Variants in C6orf132 observed in about 807,000 individuals in gnomAD.
C6orf132 encodes the protein chromosome 6 open reading frame 132.
C6orf132 carries 43 observed loss-of-function variants against 65.3 expected under a neutral mutation model. The observed-to-expected ratio is 0.66, with a 90% confidence interval of 0.52 to 0.85. The LOEUF (loss-of-function observed/expected upper bound fraction) is 0.85. C6orf132 is among the 40% of genes least tolerant of loss of function. The pLI is 0.00. For synonymous variants in C6orf132, 631 were observed against 654.1 expected (o/e 0.96, Z 0.54); for missense variants, 1,488 against 1,548.8 (o/e 0.96, Z 0.66).
In C6orf132 at chr6:42,106,143, G is replaced by C; in HGVS notation, c.1769C>G (p.Pro590Arg). The change falls in exon 4 of 5, where the codon CCC (proline) becomes CGC (arginine). Residue 590 changes from proline to arginine, a missense_variant. Physicochemically the swap from Pro to Arg is moderately radical, Grantham distance 103. Coordinates refer to ENST00000341865, the MANE Select transcript of C6orf132 (RefSeq NM_001164446.3). ...TCCCCCTTCTAGCCGAGGCTTAGGG[G>C]GCAGAGATCCTATGCTGGGCTTAGC... is the stretch of plus-strand genomic sequence containing the variant. ...KEAKPSIGSL[P>R]PKPRLEGGRI... 6.5e-7 allele frequency: 1 copy of C among 1,537,260 alleles called. No individual in the cohort carries two copies. Among genetic ancestry groups the C allele is most frequent in the Non-Finnish European group, 8.7e-7 (1 of 1,146,922 alleles).
chr6:42,142,249 C>G, intron 1 of C6orf132, 51 bp downstream of exon 1: 1 of 1,529,598 alleles, frequency 6.5e-7, no homozygotes, highest in Non-Finnish European at 8.8e-7. Context: ...CCGGCCCTGC[C>G]CCAGCGCCCT....
chr6:42,107,380 G>T lies in C6orf132; in HGVS notation c.532C>A (p.Leu178Met). 1 of 917,294 alleles carries T rather than the reference G, an allele frequency of 1.1e-6. No homozygotes were observed. Among genetic ancestry groups the T allele is most frequent in the Non-Finnish European group, 1.6e-6 (1 of 622,408 alleles). The allele number at this position is 917,294 out of a possible 1,614,324, so 56.8% of individuals were successfully genotyped here. The change falls in exon 4 of 5, where the codon CTG becomes ATG. Residue 178 changes from leucine to methionine, a missense_variant. By Grantham distance (15) the Leu-to-Met change is conservative. Coordinates refer to ENST00000341865, the MANE Select transcript of C6orf132 (RefSeq NM_001164446.3). ...STAPPPPPLL[L>M]EPPPPPSMAP... ...ATGCTGGGCGGGGGTGGGGGTTCCA[G>T]CAGCAGGGGAGGTGGTGGGGGTGCT...
In C6orf132 at chr6:42,113,843, A is replaced by T. The variant is rs997952321; in HGVS notation, c.253-3552T>A. ...AAAGAAAAGAAAAAAAAGAAAGAAA[A>T]AAAAAGAAAATTGAGCCAATAGTTC... On this transcript the variant is annotated intron_variant, in intron 2 of 4. Coordinates refer to ENST00000341865, the MANE Select transcript of C6orf132 (RefSeq NM_001164446.3). Among the ~76,000 whole-genome samples the T allele has an allele frequency of 2.0e-5, 3 of 152,078 alleles. No individual in the cohort carries two copies. The East Asian group carries it at 5.8e-4, about 29-fold the overall frequency.
At position 42,105,373 on chromosome 6, in the gene C6orf132, GC is replaced by G. The variant is rs953129772; in HGVS notation, c.2538del (p.Arg846SerfsTer10). The G allele has an allele frequency of 6.5e-7, 1 of 1,536,082 alleles. No individual in the cohort carries two copies. Among genetic ancestry groups the G allele is most frequent in the African/African-American group, 1.4e-5 (1 of 73,038 alleles). On this transcript the variant is annotated frameshift_variant, in exon 4 of 5. Transcript: ENST00000341865. LOFTEE classifies it high-confidence loss of function. ...GSPMALLLAA[R>X]QRAQKGRSVG... ...ACAGACCTTCCCTTCTGAGCCCTCT[GC>G]CTGGCCGCCAGGAGCAGGGCCATCG...
chr6:42,128,172 C>CG lies in C6orf132; in HGVS notation c.252+499_252+500insC, dbSNP rs1425512472. ...CGATCTCCTGACCTCATGATCTGCC[C>CG]CCTTGGCCTCCCAAAATGCTGGGAT... is the stretch of plus-strand genomic sequence containing the variant. On this transcript the variant is annotated intron_variant, in intron 2 of 4. Coordinates refer to ENST00000341865, the MANE Select transcript of C6orf132 (RefSeq NM_001164446.3). Among the ~76,000 whole-genome samples the CG allele has an allele frequency of 9.2e-4, 140 of 151,894 alleles. No homozygotes were observed. The East Asian group carries it at 0.01, about 11-fold the overall frequency.
rs1324322118 is a variant in C6orf132 at position 42,106,931 on chromosome 6, T to C, written c.981A>G (p.Glu327=). 2 of 1,536,072 alleles carry C rather than the reference T, an allele frequency of 1.3e-6. No individual in the cohort carries two copies. The highest frequency in any genetic ancestry group is 1.4e-5 in the African/African-American group (1 of 72,838). ...TGGGAGCCTTCTTGGTGGCCCCCTC[T>C]TCCTTTCGGGGAGCCTCTTGTGCTT... ...VQEAQEAPRK[E]EGATKKAPSR... The change falls in exon 4 of 5, where the codon GAA becomes GAG. Residue 327 remains glutamate (E), a synonymous_variant. Coordinates refer to ENST00000341865, the MANE Select transcript of C6orf132 (RefSeq NM_001164446.3).
rs1429657372 is a variant in C6orf132, at chr6:42,105,972, G to C, written c.1940C>G (p.Pro647Arg). The change falls in exon 4 of 5, where the codon CCT becomes CGT. Residue 647 changes from proline (P) to arginine (R), a missense_variant. Physicochemically the swap from Pro to Arg is moderately radical, Grantham distance 103 (BLOSUM62 -2). Coordinates refer to ENST00000341865, the MANE Select transcript of C6orf132 (RefSeq NM_001164446.3). ...LGPAIPPKAT[P>R]EPAIPPKATL... ...AGCCTTGGGTGGTATGGCTGGCTCA[G>C]GTGTGGCCTTGGGTGGTATGGCTGG... 2.0e-6 allele frequency: 3 copies of C among 1,536,958 alleles called. No homozygotes were observed. In the African/African-American group the frequency reaches 4.1e-5, roughly 21 times the overall value.
At chr6:42,129,114 G>A (rs1003116236) in intron 1 of C6orf132, among the ~76,000 whole-genome samples, 5 of 152,234 alleles carry the variant, frequency 3.3e-5, no homozygotes, top group South Asian at 2.1e-4. Flanking sequence ...CAGGAAGCCC[G>A]GCTAAGGGCC....
rs1237413208 is a variant in C6orf132 at position 42,132,889 on chromosome 6, G to GAAAAGAAAAGAAAAGAAAAGAAAAGAA, written c.146-4112_146-4111insTTCTTTTCTTTTCTTTTCTTTTCTTTT. 2.1e-3 allele frequency among the ~76,000 whole-genome samples: 320 copies of GAAAAGAAAAGAAAAGAAAAGAAAAGAA among 151,266 alleles called. 2 individuals are homozygous for GAAAAGAAAAGAAAAGAAAAGAAAAGAA. Among genetic ancestry groups the GAAAAGAAAAGAAAAGAAAAGAAAAGAA allele is most frequent in the African/African-American group, 6.8e-3 (281 of 41,146 alleles). ...AAAAAGAAAAGAAAAGAAAAGAAAA[G>GAAAAGAAAAGAAAAGAAAAGAAAAGAA]AAAAGGAGGTGTGGCTGCAATCAGG... On this transcript the variant is annotated intron_variant, in intron 1 of 4. Coordinates refer to ENST00000341865, the MANE Select transcript of C6orf132 (RefSeq NM_001164446.3).
rs763389575 is a variant in C6orf132 at position 42,142,424 on chromosome 6, C to A, written c.21G>T (p.Val7=). 203 of 1,551,182 alleles carry A rather than the reference C, an allele frequency of 1.3e-4. No homozygotes were observed. The highest frequency in any genetic ancestry group is 1.7e-4 in the Non-Finnish European group (197 of 1,146,798). Residue 7 remains valine (V), a synonymous_variant, in exon 1 of 5, where the codon GTG becomes GTT. Coordinates refer to ENST00000341865, the MANE Select transcript of C6orf132 (RefSeq NM_001164446.3). ...CGAAGAGTTTGCTGAAGGTGCCCTG[C>A]ACCGTCTGCTTCTTTTTCATGCTGC... The part of the protein sequence containing the change: MKKKQT[V]QGTFSKLFGK...
intron 2 of C6orf132, among the ~76,000 whole-genome samples, chr6:42,111,787 T>C (rs548129266): frequency 2.6e-5 from 4 of 152,342 alleles, no homozygotes; most frequent in African/African-American, 9.6e-5. Context: ...GAGGCTATAA[T>C]ATTTTTACAC....
Position 42,105,451 on chromosome 6 carries a change from C to T in C6orf132, c.2461G>A (p.Asp821Asn), listed in dbSNP as rs1766383434. The change falls in exon 4 of 5, where the codon GAT (aspartate) becomes AAT (asparagine). Residue 821 changes from aspartate to asparagine, a missense_variant. By Grantham distance (23) the Asp-to-Asn change is conservative. Transcript: ENST00000341865. Reference protein sequence around the residue: ...AKPPASAQPTDELLRHPVTGE... With the variant: ...AKPPASAQPTNELLRHPVTGE... ...GTCACCGGGTGCCTGAGGAGTTCAT[C>T]AGTGGGCTGGGCCGAGGCAGGAGGC... The T allele has an allele frequency of 2.0e-6, 3 of 1,534,736 alleles. No homozygotes were observed. The highest frequency in any genetic ancestry group is 2.7e-5 in the African/African-American group (2 of 73,022).
At chr6:42,120,685 G>A (rs1022698183) in intron 2 of C6orf132, among the ~76,000 whole-genome samples, 4 of 152,006 alleles carry the variant, frequency 2.6e-5, no homozygotes, top group South Asian at 2.1e-4. Context: ...TGGAGTGCAC[G>A]ATCTTGGCTC....
At position 42,107,388 on chromosome 6, in the gene C6orf132, GGAGGTGGTGGGGGTGCTGT is replaced by G; in HGVS notation, c.505_523del (p.Thr169ProfsTer50). 1.9e-6 allele frequency: 2 copies of G among 1,058,506 alleles called. No individual in the cohort carries two copies. Among genetic ancestry groups the G allele is most frequent in the Non-Finnish European group, 2.7e-6 (2 of 742,518 alleles). 65.6% of individuals were successfully genotyped at this position (1,058,506 alleles called of 1,614,324 possible). ...CGGGGGTGGGGGTTCCAGCAGCAGGGGAGGTGGTGGGGGTGCTGTGGAAGGTGGAGATGGCAGTGGCGAC... is the reference window on the plus strand; with the variant it reads ...CGGGGGTGGGGGTTCCAGCAGCAGGGGGAAGGTGGAGATGGCAGTGGCGAC... On this transcript the variant is annotated frameshift_variant, in exon 4 of 5. Transcript: ENST00000341865. LOFTEE classifies it high-confidence loss of function.
Position 42,142,430 on chromosome 6 carries a change from C to CTGCT in C6orf132, c.11_14dup (p.Thr6AlafsTer55). The CTGCT allele has an allele frequency of 6.4e-7, 1 of 1,551,186 alleles. No individual in the cohort carries two copies. Among genetic ancestry groups the CTGCT allele is most frequent in the South Asian group, 1.2e-5 (1 of 84,044 alleles). Reference sequence around the variant, plus strand: ...GTTTGCTGAAGGTGCCCTGCACCGTCTGCTTCTTTTTCATGCTGCCGCAGC... The same window carrying CTGCT: ...GTTTGCTGAAGGTGCCCTGCACCGTCTGCTTGCTTCTTTTTCATGCTGCCGCAGC... On this transcript the variant is annotated frameshift_variant, in exon 1 of 5. Coordinates refer to ENST00000341865, the MANE Select transcript of C6orf132 (RefSeq NM_001164446.3). LOFTEE classifies it high-confidence loss of function.
chr6:42,125,116 A>C (rs1000972597), intron 2 of C6orf132, among the ~76,000 whole-genome samples: 6 of 152,168 alleles, frequency 3.9e-5, no homozygotes, highest in Non-Finnish European at 8.8e-5. Context: ...GCTGCTGGAC[A>C]GGGATTCAGA....
intron 1 of C6orf132, among the ~76,000 whole-genome samples, chr6:42,131,884 A>T (rs568078287): frequency 6.6e-6 from 1 of 152,240 alleles, no homozygotes. Flanking sequence ...TGGAAGGCCC[A>T]GGTGGCTCCT....
chr6:42,108,210 A>G (rs1766443535), intron 3 of C6orf132, among the ~76,000 whole-genome samples: 1 of 152,178 alleles, frequency 6.6e-6, no homozygotes, highest in Admixed American at 6.5e-5. Context: ...TCTACCACTT[A>G]TTAGATGAGT....
intron 1 of C6orf132, among the ~76,000 whole-genome samples, chr6:42,139,473 C>G (rs949714765): frequency 6.6e-6 from 1 of 152,214 alleles, no homozygotes; most frequent in Non-Finnish European, 1.5e-5. Flanking sequence ...CATAAGGTCT[C>G]TTTTGTAGCT....
Sources: allele counts gnomAD v4.1 joint callset (sites outside exome capture counted in the v4.1 genomes callset), GRCh38; gene constraint gnomAD v4.1.1; transcripts MANE v1.5; gene names NCBI Gene and HGNC (gene_info 2026-07-23, HGNC 2026-07-21).